NR4A1: variants seen among roughly 807,000 people sequenced by gnomAD.
NR4A1 encodes nuclear receptor subfamily 4 group A member 1.
In NR4A1, 24 loss-of-function variants were observed where a neutral mutation model predicts 47.5. The observed-to-expected ratio is 0.50, with a 90% CI of 0.37 to 0.71. The LOEUF (loss-of-function observed/expected upper bound fraction) is 0.71, where lower values mean the gene tolerates loss of function less well. NR4A1 is among the 30% of genes least tolerant of loss of function. The probability of loss-of-function intolerance (pLI) is 0.00; values close to 1 mark genes in which losing one functional copy is unlikely to be tolerated. For synonymous variants in NR4A1, 353 were observed against 345.7 expected (o/e 1.02, Z -0.24); for missense variants, 669 against 788.6 (o/e 0.85, Z 1.82).
upstream of NR4A1, among the ~76,000 whole-genome samples, chr12:52,047,700 T>G (rs744690): frequency 0.18 from 28,030 of 152,166 alleles, 3,348 homozygotes; most frequent in East Asian, 0.42. Flanking sequence ...GATGCTGAGA[T>G]TCAGACCAGG....
In NR4A1 at chr12:52,036,093, A is replaced by T. The variant is rs139672430; in HGVS notation, c.-83-5717A>T. Among the ~76,000 whole-genome samples, 382 of 152,068 alleles carry T rather than the reference A, an allele frequency of 2.5e-3. 2 individuals are homozygous for T. Among genetic ancestry groups the T allele is most frequent in the African/African-American group, 8.7e-3 (361 of 41,446 alleles). ...ATAGGAGCAGAGATGGTAACCCCCA[A>T]CCCCACCCAGCCAGCCCCAATCCCA... On this transcript the variant is annotated intron_variant, in intron 1 of 7. Coordinates refer to the NR4A1 transcript ENST00000360284.
upstream of NR4A1, among the ~76,000 whole-genome samples, chr12:52,049,355 A>G (rs960259732): frequency 2.0e-5 from 3 of 152,250 alleles, no homozygotes; most frequent in Admixed American, 6.5e-5. Context: ...AGACTGCTCC[A>G]TCTGTGGTGG....
chr12:52,052,712 G>T, intron 1 of NR4A1: 1 of 949,272 alleles, frequency 1.1e-6, no homozygotes, highest in Non-Finnish European at 1.3e-6. Context: ...GGTTGATCCG[G>T]ATGTGGGACG....
In NR4A1 at chr12:52,059,017, C is replaced by T; in HGVS notation, c.*73C>T. On this transcript the variant is annotated 3_prime_UTR_variant, in exon 7 of 7. Transcript: ENST00000394825. ...CCATGTGCCTTTAGTCCACGGACCC[C>T]CAGAGCACCCCCAAGCCTGGGCTTG... The T allele has an allele frequency of 6.6e-7, 1 of 1,517,370 alleles. No individual in the cohort carries two copies. The highest frequency in any genetic ancestry group is 8.9e-7 in the Non-Finnish European group (1 of 1,124,992). The allele number at this position is 1,517,370 out of a possible 1,614,324, so 94.0% of individuals were successfully genotyped here.
Position 52,037,594 on chromosome 12 carries a change from C to T in NR4A1, c.-83-4216C>T, listed in dbSNP as rs147395859. On this transcript the variant is annotated intron_variant, in intron 1 of 7. Coordinates refer to the NR4A1 transcript ENST00000360284. Reference sequence around the variant, plus strand: ...GGGGGGGACTGGATTCCCAGCGGAACCGCTGGCTCCGAGTCAGCCCCCAAG... The same window carrying T: ...GGGGGGGACTGGATTCCCAGCGGAATCGCTGGCTCCGAGTCAGCCCCCAAG... The T allele has an allele frequency of 3.2e-3, 3,147 of 984,830 alleles. 89 individuals are homozygous for T. The African/African-American group carries it at 0.051, about 16-fold the overall frequency. The allele number at this position is 984,830 out of a possible 1,614,324, so 61.0% of individuals were successfully genotyped here. A position where few individuals can be genotyped will look rare whatever the true frequency, so the allele number is the denominator to read the frequency against.
chr12:52,052,302 T>TGAGAGA (rs1378035193), intron 1 of NR4A1, among the ~76,000 whole-genome samples: 6 of 103,786 alleles, frequency 5.8e-5, no homozygotes, highest in African/African-American at 2.0e-4. Flanking sequence ...TGTGTGTGTG[T>TGAGAGA]GTGAGAGAGA....
intron 1 of NR4A1, chr12:52,037,768 G>A: frequency 2.0e-6 from 2 of 985,504 alleles, no homozygotes; most frequent in Non-Finnish European, 2.4e-6. Context: ...TCGTCTGCCA[G>A]GAGACCCAGC....
At position 52,055,025 on chromosome 12, in the gene NR4A1, T is replaced by C. The variant is rs772674923; in HGVS notation, c.697T>C (p.Leu233=). The change falls in exon 2 of 7, where the codon TTG becomes CTG. Residue 233 remains leucine, a synonymous_variant. Coordinates refer to ENST00000394825, the MANE Select transcript of NR4A1 (RefSeq NM_173157.3). ...TTCCATGCCTACGGCCTTCCCAGGT[T>C]TGGCACCCACTTCTCCACACCTTGA... ...SYSMPTAFPG[L]APTSPHLEGS... is the part of the protein sequence containing the mutation. 13 of 1,614,216 alleles carry C rather than the reference T, an allele frequency of 8.1e-6. No homozygotes were observed. In the Admixed American group the frequency reaches 1.0e-4, roughly 12 times the overall value.
chr12:52,039,922 C>T (rs1798625145), intron 1 of NR4A1, among the ~76,000 whole-genome samples: 1 of 152,246 alleles, frequency 6.6e-6, no homozygotes, highest in Admixed American at 6.5e-5. Flanking sequence ...AGAGAAGGCC[C>T]ACGTGATGGG....
rs745970334 is a variant in NR4A1 at position 52,054,982 on chromosome 12, G to C, written c.654G>C (p.Leu218=). The change falls in exon 2 of 7, where the codon CTG becomes CTC. Residue 218 remains leucine, a synonymous_variant. Transcript: ENST00000394825. The stretch of plus-strand genomic sequence containing the variant: ...TCCCCTCACAGGCCACCCACCAGCT[G>C]GGGGAGGGAGAGAGCTATTCCATGC... The part of the protein sequence containing the change: ...KLFPSQATHQ[L]GEGESYSMPT... 8 of 1,614,204 alleles carry C rather than the reference G, an allele frequency of 5.0e-6. 1 individual carries two copies. The highest frequency in any genetic ancestry group is 3.4e-6 in the Non-Finnish European group (4 of 1,180,034).
At chr12:52,055,384 C>G (rs1939208951) in intron 2 of NR4A1, 180 bp downstream of exon 2, 8 of 741,510 alleles carry the variant, frequency 1.1e-5, no homozygotes, top group Middle Eastern at 3.8e-4. Context: ...GGGCTGGAAG[C>G]TTTCATTTGC....
chr12:52,023,201 C>T (rs1937920356), intron 1 of NR4A1, among the ~76,000 whole-genome samples: 1 of 152,228 alleles, frequency 6.6e-6, no homozygotes, highest in Non-Finnish European at 1.5e-5. Flanking sequence ...GCTCAAGAGG[C>T]TGCAGGCTGG....
chr12:52,058,612 T>C (rs1939393853), intron 6 of NR4A1, 76 bp from the exon 7 acceptor site: 1 of 1,455,124 alleles, frequency 6.9e-7, no homozygotes, highest in Non-Finnish European at 9.1e-7. Context: ...GGCAGCAGTT[T>C]TAGGGGCCTG....
intron 3 of NR4A1, 53 bp downstream of exon 3, chr12:52,056,212 G>T: frequency 6.5e-7 from 1 of 1,528,210 alleles, no homozygotes; most frequent in Non-Finnish European, 8.8e-7. Context: ...GAGTGGAGTG[G>T]GACCAGCAGG....
In NR4A1 at chr12:52,052,266, CACGT is replaced by C. The variant is rs1324270162; in HGVS notation, c.-3+699_-3+702del. Among the ~76,000 whole-genome samples the C allele has an allele frequency of 7.0e-3, 663 of 95,034 alleles. 7 individuals carry two copies. Among genetic ancestry groups the C allele is most frequent in the African/African-American group, 0.037 (636 of 17,116 alleles). 62.3% of individuals were successfully genotyped at this position (95,034 alleles called of 152,430 possible). On this transcript the variant is annotated intron_variant, in intron 1 of 6. Transcript: ENST00000394825. ...GAATTGATTTCGCTGGGGCTTGGATCACGTGTGTGTGTGTGTGTGTGTGTGTGTG... is the reference window on the plus strand; with the variant it reads ...GAATTGATTTCGCTGGGGCTTGGATCGTGTGTGTGTGTGTGTGTGTGTGTG...
Position 52,056,022 on chromosome 12 carries a change from C to T in NR4A1, c.877-8C>T, listed in dbSNP as rs746757963. On this transcript the variant is annotated splice_polypyrimidine_tract_variant and splice_region_variant and intron_variant, in intron 2 of 6. Transcript: ENST00000394825. ...TGACAGCTTGTTCCGTGTTGCCCCC[C>T]CACCCAGCGCACAGTGCAGAAAAAC... 5 of 1,479,702 alleles carry T rather than the reference C, an allele frequency of 3.4e-6. No homozygotes were observed. The highest frequency in any genetic ancestry group is 2.8e-5 in the African/African-American group (2 of 70,256). The allele number at this position is 1,479,702 out of a possible 1,614,324, so 91.7% of individuals were successfully genotyped here. A position where few individuals can be genotyped will look rare whatever the true frequency, so the allele number is the denominator to read the frequency against.
At chr12:52,052,512 G>C in intron 1 of NR4A1, 1 of 985,402 alleles carries the variant, frequency 1.0e-6, no homozygotes, top group Non-Finnish European at 1.2e-6. Context: ...TGCAGCCTGA[G>C]GCTTGTTCAG....
chr12:52,046,765 C>T (rs990322289), upstream of NR4A1, among the ~76,000 whole-genome samples: 5 of 152,260 alleles, frequency 3.3e-5, no homozygotes, highest in Non-Finnish European at 5.9e-5. Context: ...AGGCGGATCA[C>T]GAGGTCAGGA....
intron 1 of NR4A1, among the ~76,000 whole-genome samples, chr12:52,026,895 G>A (rs1264977923): frequency 5.9e-5 from 9 of 152,162 alleles, no homozygotes; most frequent in Admixed American, 6.5e-5. Flanking sequence ...TCCTCTGAGC[G>A]GGGAGGGGAA....
Sources: gnomAD v4.1 joint callset for allele counts (sites outside exome capture counted in the v4.1 genomes callset) on GRCh38, gnomAD v4.1.1 for gene constraint, MANE v1.5 for transcripts, NCBI Gene and HGNC (gene_info 2026-07-23, HGNC 2026-07-21) for gene names.